SLC38A4: variants seen among roughly 807,000 people sequenced by gnomAD.
SLC38A4 encodes the protein sodium-coupled neutral amino acid transporter 4.
SLC38A4 carries 20 observed loss-of-function variants against 63.1 expected under a neutral mutation model. That is an observed-to-expected ratio of 0.32 (90% CI 0.22 to 0.46). The LOEUF is 0.46. SLC38A4 is among the 20% of genes least tolerant of loss of function. SLC38A4 has a pLI of 1.00. For synonymous variants in SLC38A4, 230 were observed against 225.5 expected (o/e 1.02, Z -0.18); for missense variants, 526 against 663.6 (o/e 0.79, Z 2.28).
intron 2 of SLC38A4, among the ~76,000 whole-genome samples, chr12:46,796,073 T>C (rs1383166160): frequency 6.6e-6 from 1 of 152,188 alleles, no homozygotes; most frequent in African/African-American, 2.4e-5. Context: ...GCTAAGCTTT[T>C]CTGTTTATGT....
At chr12:46,829,459 AG>A (rs1488220804), upstream of SLC38A4, among the ~76,000 whole-genome samples, 2 of 147,124 alleles carry the variant, frequency 1.4e-5, no homozygotes, top group Non-Finnish European at 3.0e-5. Flanking sequence ...AAAAAAAAAA[AG>A]GAGGGTTAAG....
chr12:46,816,900 A>G (rs917551567), intron 1 of SLC38A4, among the ~76,000 whole-genome samples: 2 of 151,872 alleles, frequency 1.3e-5, no homozygotes, highest in Admixed American at 1.3e-4. Flanking sequence ...AAAAATTCAG[A>G]AAGTAACTAT....
upstream of SLC38A4, among the ~76,000 whole-genome samples, chr12:46,827,725 A>G (rs191450735): frequency 1.3e-5 from 2 of 152,154 alleles, no homozygotes; most frequent in African/African-American, 4.8e-5. Context: ...TGTAAATTTT[A>G]TCTATGCTAA....
chr12:46,817,236 A>G (rs1939457575), intron 1 of SLC38A4, among the ~76,000 whole-genome samples: 1 of 151,930 alleles, frequency 6.6e-6, no homozygotes, highest in African/African-American at 2.4e-5. Context: ...CAAGAGTTCC[A>G]ACAACAGCAA....
At chr12:46,792,496 C>A (rs546261579) in intron 3 of SLC38A4, among the ~76,000 whole-genome samples, 27 of 152,120 alleles carry the variant, frequency 1.8e-4, no homozygotes, top group African/African-American at 6.3e-4. Context: ...TAGAGACGTG[C>A]AGTAGACATT....
intron 1 of SLC38A4, among the ~76,000 whole-genome samples, chr12:46,822,459 C>T (rs1939569627): frequency 6.6e-6 from 1 of 152,112 alleles, no homozygotes; most frequent in Admixed American, 6.6e-5. Flanking sequence ...AGACAACTTA[C>T]TCAAAGACCA....
rs1938303369 is a variant in SLC38A4, at chr12:46,766,512, T to A, written c.*189A>T. The A allele has an allele frequency of 3.0e-6, 2 of 673,722 alleles. No homozygotes were observed. The highest frequency in any genetic ancestry group is 1.8e-5 in the African/African-American group (1 of 56,446). The allele number at this position is 673,722 out of a possible 1,614,324, so 41.7% of individuals were successfully genotyped here. ...CACCACAGGTTTTATTTTAAACACA[T>A]ACACAACCATCCTTGACAAAAACAG... On this transcript the variant is annotated 3_prime_UTR_variant, in exon 17 of 17. Transcript: ENST00000266579.
upstream of SLC38A4, among the ~76,000 whole-genome samples, chr12:46,826,265 A>T (rs1196108035): frequency 6.6e-6 from 1 of 152,244 alleles, no homozygotes; most frequent in South Asian, 2.1e-4. Flanking sequence ...TAAATGACGC[A>T]AGGCAAAATG....
intron 15 of SLC38A4, among the ~76,000 whole-genome samples, 200 bp from the exon 16 acceptor site, chr12:46,768,607 A>G (rs1032687609): frequency 1.3e-5 from 2 of 152,152 alleles, no homozygotes; most frequent in Admixed American, 6.6e-5. Flanking sequence ...AATGTACCTA[A>G]CATCAAAGCT....
intron 2 of SLC38A4, among the ~76,000 whole-genome samples, chr12:46,796,069 C>G (rs1201894078): frequency 6.6e-6 from 1 of 152,100 alleles, no homozygotes; most frequent in East Asian, 1.9e-4. Context: ...TATTGCTAAG[C>G]TTTTCTGTTT....
At chr12:46,829,504 A>G (rs1367793940), upstream of SLC38A4, among the ~76,000 whole-genome samples, 1 of 152,158 alleles carries the variant, frequency 6.6e-6, no homozygotes. Flanking sequence ...AAAGAAAAAA[A>G]CAACGTCCAC....
intron 7 of SLC38A4, 139 bp downstream of exon 7, chr12:46,784,403 A>G (rs1176945634): frequency 2.0e-6 from 1 of 495,520 alleles, no homozygotes; most frequent in Non-Finnish European, 3.5e-6. Flanking sequence ...CTATTTAAGA[A>G]ACTATCATTT....
intron 2 of SLC38A4, among the ~76,000 whole-genome samples, chr12:46,796,254 T>C (rs1939000689): frequency 2.0e-5 from 3 of 152,194 alleles, no homozygotes. Context: ...TTCTCTTTTT[T>C]CATATCACTT....
At chr12:46,796,978 A>G (rs936774700) in intron 2 of SLC38A4, among the ~76,000 whole-genome samples, 5 of 151,868 alleles carry the variant, frequency 3.3e-5, no homozygotes, top group African/African-American at 1.2e-4. Context: ...AGATTTTCCA[A>G]CCCTATCTTC....
chr12:46,772,793 A>G (rs1343432020), intron 14 of SLC38A4, among the ~76,000 whole-genome samples: 2 of 152,126 alleles, frequency 1.3e-5, no homozygotes, highest in African/African-American at 4.8e-5. Context: ...TGAAAGAAGG[A>G]GAACACAAAA....
chr12:46,826,457 G>C, upstream of SLC38A4, among the ~76,000 whole-genome samples: 1 of 152,174 alleles, frequency 6.6e-6, no homozygotes, highest in Non-Finnish European at 1.5e-5. Context: ...GAGTGTTTAC[G>C]TGCCATGCAG....
chr12:46,770,329 G>A (rs1228227007), intron 14 of SLC38A4, among the ~76,000 whole-genome samples: 2 of 151,420 alleles, frequency 1.3e-5, no homozygotes, highest in Admixed American at 6.6e-5. Flanking sequence ...AAATTTTGAC[G>A]TTTTTGTGTT....
At chr12:46,772,752 G>A (rs1200607847) in intron 14 of SLC38A4, among the ~76,000 whole-genome samples, 1 of 152,032 alleles carries the variant, frequency 6.6e-6, no homozygotes, top group East Asian at 1.9e-4. Context: ...ATCTTCTCAA[G>A]CTCCTAAGAA....
At chr12:46,829,908 TATA>T, upstream of SLC38A4, among the ~76,000 whole-genome samples, 1 of 152,306 alleles carries the variant, frequency 6.6e-6, no homozygotes, top group Non-Finnish European at 1.5e-5. Context: ...ATAAAATGGG[TATA>T]ATAATAGAAT....
Sources: gnomAD v4.1 joint callset for allele counts (sites outside exome capture counted in the v4.1 genomes callset) on GRCh38, gnomAD v4.1.1 for gene constraint, MANE v1.5 for transcripts, NCBI Gene and HGNC (gene_info 2026-07-23, HGNC 2026-07-21) for gene names.